The following RBMS3 variants were observed in gnomAD, a reference collection of about 807,000 sequenced individuals.
RBMS3 encodes the protein RNA-binding motif, single-stranded-interacting protein 3.
A neutral mutation model predicts 66.8 loss-of-function variants in RBMS3; 27 were observed. The observed-to-expected ratio is 0.40, with a 90% CI of 0.30 to 0.56. The LOEUF (loss-of-function observed/expected upper bound fraction) is 0.56. RBMS3 is among the 20% of genes least tolerant of loss of function. The pLI is 0.40. For synonymous variants in RBMS3, 188 were observed against 183.0 expected (o/e 1.03, Z -0.22); for missense variants, 513 against 549.5 (o/e 0.93, Z 0.66).
At chr3:29,739,443 G>A (rs1184446325) in intron 4 of RBMS3, among the ~76,000 whole-genome samples, 4 of 137,420 alleles carry the variant, frequency 2.9e-5, no homozygotes, top group South Asian at 2.3e-4. Flanking sequence ...GCTACAGAGC[G>A]AGACTCCGTC....
At chr3:29,630,557 A>G (rs9855381) in intron 4 of RBMS3, among the ~76,000 whole-genome samples, 14,160 of 151,930 alleles carry the variant, frequency 0.093, 1,177 homozygotes, top group East Asian at 0.35. Context: ...GAGAGAAAAC[A>G]AGCTCACTAG....
intron 1 of RBMS3, among the ~76,000 whole-genome samples, chr3:29,415,453 C>A (rs1395601416): frequency 6.6e-6 from 1 of 152,102 alleles, no homozygotes; most frequent in Non-Finnish European, 1.5e-5. Context: ...TGGCCCAGAG[C>A]CCTTGAATGT....
intron 1 of RBMS3, among the ~76,000 whole-genome samples, chr3:29,305,816 G>A (rs925701386): frequency 6.6e-6 from 1 of 152,010 alleles, no homozygotes; most frequent in African/African-American, 2.4e-5. Context: ...TTTAAGCAAA[G>A]TGATTTTCCA....
In RBMS3 at chr3:29,640,112, G is replaced by A. The variant is rs188353114; in HGVS notation, c.399+52907G>A. ...AGGTTGATACAAGGCTGAGAGAAAG[G>A]AATGCTAGCAAATCAGAATGGCATA... On this transcript the variant is annotated intron_variant, in intron 4 of 14. Transcript: ENST00000383767. 2.0e-5 allele frequency among the ~76,000 whole-genome samples: 3 copies of A among 151,912 alleles called. No individual in the cohort carries two copies. The East Asian group carries it at 5.8e-4, about 29-fold the overall frequency.
At chr3:29,595,412 A>G (rs1205646365) in intron 4 of RBMS3, among the ~76,000 whole-genome samples, 6 of 151,426 alleles carry the variant, frequency 4.0e-5, no homozygotes, top group South Asian at 4.2e-4. Context: ...AAAAAAAAAA[A>G]AAAGAAAAGA....
intron 1 of RBMS3, among the ~76,000 whole-genome samples, chr3:29,371,862 G>T (rs2038221185): frequency 6.6e-6 from 1 of 152,104 alleles, no homozygotes; most frequent in Non-Finnish European, 1.5e-5. Flanking sequence ...TCATTTACAA[G>T]AAGTTTTTTT....
chr3:29,734,580 G>A (rs1380672332), intron 4 of RBMS3, among the ~76,000 whole-genome samples: 1 of 152,010 alleles, frequency 6.6e-6, no homozygotes. Flanking sequence ...AGTATATAAA[G>A]TAAGCAAGAA....
chr3:29,951,605 C>A (rs1323048248), intron 12 of RBMS3, among the ~76,000 whole-genome samples: 1 of 151,650 alleles, frequency 6.6e-6, no homozygotes, highest in Non-Finnish European at 1.5e-5. Flanking sequence ...TTTCTGCTTC[C>A]TTTCTTTGGA....
intron 4 of RBMS3, among the ~76,000 whole-genome samples, chr3:29,687,977 A>G (rs1314656398): frequency 6.6e-6 from 1 of 152,170 alleles, no homozygotes; most frequent in Non-Finnish European, 1.5e-5. Flanking sequence ...CACCAGAGTC[A>G]TATTATGTTT....
At chr3:29,473,562 C>A (rs1011514640) in intron 2 of RBMS3, among the ~76,000 whole-genome samples, 2 of 152,204 alleles carry the variant, frequency 1.3e-5, no homozygotes, top group African/African-American at 4.8e-5. Context: ...AGGGGTGGCG[C>A]TCGTTGGGGA....
intron 12 of RBMS3, among the ~76,000 whole-genome samples, chr3:29,968,617 A>C (rs1252849678): frequency 6.6e-6 from 1 of 152,186 alleles, no homozygotes; most frequent in Non-Finnish European, 1.5e-5. Context: ...ACAGACCTTC[A>C]GCTTCTCCAG....
intron 4 of RBMS3, among the ~76,000 whole-genome samples, chr3:29,599,344 A>T (rs2048067658): frequency 6.6e-6 from 1 of 151,886 alleles, no homozygotes; most frequent in Non-Finnish European, 1.5e-5. Context: ...CCTGTATCAC[A>T]GTATCTCATG....
At chr3:29,687,990 G>A (rs909569954) in intron 4 of RBMS3, among the ~76,000 whole-genome samples, 6 of 152,164 alleles carry the variant, frequency 3.9e-5, no homozygotes, top group African/African-American at 7.2e-5. Context: ...TTATGTTTCA[G>A]TGGTACTAGA....
intron 8 of RBMS3, among the ~76,000 whole-genome samples, chr3:29,889,983 C>T (rs2059961905): frequency 6.6e-6 from 1 of 151,696 alleles, no homozygotes; most frequent in Middle Eastern, 3.4e-3. Context: ...TTTCTCTGTC[C>T]TGAGTGAAAG....
intron 3 of RBMS3, among the ~76,000 whole-genome samples, chr3:29,582,149 T>TATAGGTAG (rs2047349798): frequency 6.9e-6 from 1 of 144,674 alleles, no homozygotes; most frequent in Non-Finnish European, 1.5e-5. Flanking sequence ...AGAATTCCAT[T>TATAGGTAG]ATAGATAGAT....
At chr3:29,661,884 T>G (rs78484438) in intron 4 of RBMS3, among the ~76,000 whole-genome samples, 1 of 152,114 alleles carries the variant, frequency 6.6e-6, no homozygotes, top group East Asian at 1.9e-4. Context: ...TGAAGGTGGA[T>G]GGTGAAGCTC....
intron 1 of RBMS3, among the ~76,000 whole-genome samples, chr3:29,349,969 G>C (rs756914612): frequency 1.3e-5 from 2 of 152,066 alleles, no homozygotes; most frequent in Non-Finnish European, 2.9e-5. Context: ...AGACCAGCCT[G>C]ACCAAAATGG....
intron 1 of RBMS3, among the ~76,000 whole-genome samples, chr3:29,304,283 G>A (rs577749477): frequency 6.6e-6 from 1 of 152,090 alleles, no homozygotes; most frequent in African/African-American, 2.4e-5. Flanking sequence ...AACTTGCCCA[G>A]TGGATGGTAC....
At chr3:29,314,205 A>G (rs1218865807) in intron 1 of RBMS3, among the ~76,000 whole-genome samples, 5 of 151,758 alleles carry the variant, frequency 3.3e-5, no homozygotes, top group Non-Finnish European at 7.4e-5. Context: ...ATGATACTGT[A>G]TCCTACAAGT....
Sources: allele counts gnomAD v4.1 joint callset (sites outside exome capture counted in the v4.1 genomes callset), GRCh38; gene constraint gnomAD v4.1.1; transcripts MANE v1.5; gene names NCBI Gene and HGNC (gene_info 2026-07-23, HGNC 2026-07-21).